Variants in TRIM36 observed in about 807,000 individuals in gnomAD.
TRIM36 encodes the protein tripartite motif containing 36.
Under a neutral mutation model 72.4 loss-of-function variants are expected in TRIM36, and 42 were observed. That is an observed-to-expected ratio of 0.58 (90% CI 0.45 to 0.75). The LOEUF is 0.75. Among genes scored for constraint, TRIM36 ranks in the 30% least tolerant of loss-of-function variants. The pLI is 0.00. For synonymous variants in TRIM36, 315 were observed against 282.8 expected, an observed-to-expected ratio of 1.11 and a Z score of -1.14; for missense variants, 913 against 857.1, an observed-to-expected ratio of 1.07 and a Z score of -0.81.
At chr5:115,133,839 T>TA in intron 8 of TRIM36, 21 bp downstream of exon 8, 2 of 1,546,970 alleles carry the variant, frequency 1.3e-6, no homozygotes, top group Non-Finnish European at 1.7e-6. Flanking sequence ...ATGCTTTTTT[T>TA]ATTCCTGATA....
intron 2 of TRIM36, among the ~76,000 whole-genome samples, chr5:115,159,997 T>C (rs1189463704): frequency 6.6e-6 from 1 of 151,740 alleles, no homozygotes; most frequent in Non-Finnish European, 1.5e-5. Context: ...TTTGACTTTT[T>C]ACTGACCTAA....
chr5:115,156,416 A>G (rs540904241), intron 2 of TRIM36, among the ~76,000 whole-genome samples: 2 of 152,344 alleles, frequency 1.3e-5, no homozygotes, highest in African/African-American at 4.8e-5. Flanking sequence ...ATTTCAAACT[A>G]TACTGTAAGG....
intron 2 of TRIM36, among the ~76,000 whole-genome samples, chr5:115,156,543 C>G (rs1040722127): frequency 1.3e-5 from 2 of 152,084 alleles, no homozygotes; most frequent in African/African-American, 4.8e-5. Flanking sequence ...TTCAGCAAAG[C>G]AAACAAAAAC....
At chr5:115,168,899 T>A (rs1435886384) in intron 1 of TRIM36, 1 of 152,240 alleles carries the variant, frequency 6.6e-6, no homozygotes, top group Non-Finnish European at 1.5e-5. Context: ...TCATTTCCAT[T>A]TTCTTGTACA....
intron 5 of TRIM36, among the ~76,000 whole-genome samples, chr5:115,139,868 T>A (rs747560477): frequency 1.2e-4 from 18 of 152,210 alleles, no homozygotes; most frequent in Non-Finnish European, 1.0e-4. Context: ...CCTCAATTTT[T>A]AACCTATTGA....
rs556713699 is a variant in TRIM36, at chr5:115,152,180, G to C, written c.263-4786C>G. Among the ~76,000 whole-genome samples, 3 of 152,234 alleles carry C rather than the reference G, an allele frequency of 2.0e-5. No homozygotes were observed. In the South Asian group the frequency reaches 6.2e-4, roughly 32 times the overall value. ...ATAGATAGCATAAATAAAAAACAATGAAAACTTCAGGAAATACTGGACACA... is the reference window on the plus strand; with the variant it reads ...ATAGATAGCATAAATAAAAAACAATCAAAACTTCAGGAAATACTGGACACA... On this transcript the variant is annotated intron_variant, in intron 2 of 9. Coordinates refer to ENST00000513154, the MANE Select transcript of TRIM36 (RefSeq NM_001300759.2).
chr5:115,142,145 C>CA (rs1310972089), intron 4 of TRIM36, among the ~76,000 whole-genome samples: 2 of 152,132 alleles, frequency 1.3e-5, no homozygotes, highest in African/African-American at 4.8e-5. Context: ...AAACACCTTT[C>CA]AAGCTGTAGC....
At chr5:115,153,120 A>C (rs1310375196) in intron 2 of TRIM36, among the ~76,000 whole-genome samples, 1 of 152,134 alleles carries the variant, frequency 6.6e-6, no homozygotes, top group African/African-American at 2.4e-5. Flanking sequence ...TCACCAACCA[A>C]CTATCTGCTG....
chr5:115,146,940 C>T (rs1753626694), intron 3 of TRIM36, 129 bp downstream of exon 3: 3 of 1,018,652 alleles, frequency 2.9e-6, no homozygotes, highest in South Asian at 1.8e-5. Flanking sequence ...AGTTCTTATA[C>T]CTGCTTTTAA....
intron 2 of TRIM36, among the ~76,000 whole-genome samples, chr5:115,162,573 C>A (rs1476201723): frequency 2.0e-5 from 3 of 152,142 alleles, no homozygotes; most frequent in African/African-American, 7.2e-5. Flanking sequence ...TATATAAGTG[C>A]AATCTAATTA....
rs553497366 is a variant in TRIM36 at position 115,129,199 on chromosome 5, C to T, written c.1796+1393G>A. ...GTAAGAACACTCTATGATGTTCTCGCAACAATGAAATTGCCTTGCAATATA... is the reference window on the plus strand; with the variant it reads ...GTAAGAACACTCTATGATGTTCTCGTAACAATGAAATTGCCTTGCAATATA... On this transcript the variant is annotated intron_variant, in intron 9 of 9. Coordinates refer to ENST00000513154, the MANE Select transcript of TRIM36 (RefSeq NM_001300759.2). Among the ~76,000 whole-genome samples the T allele has an allele frequency of 1.5e-3, 226 of 152,268 alleles. 1 individual carries two copies. Among genetic ancestry groups the T allele is most frequent in the African/African-American group, 5.2e-3 (218 of 41,540 alleles).
exon 1 of TRIM36, chr5:115,180,075 G>T (rs1302622693): frequency 6.3e-7 from 1 of 1,591,662 alleles, no homozygotes; most frequent in Non-Finnish European, 8.6e-7. Context: ...GACCGACGCG[G>T]GTGTATCGAA....
intron 1 of TRIM36, among the ~76,000 whole-genome samples, chr5:115,175,691 A>G (rs1379033029): frequency 6.6e-6 from 1 of 151,956 alleles, no homozygotes; most frequent in Non-Finnish European, 1.5e-5. Flanking sequence ...GTAAAAAAAA[A>G]TAAGAGGAAA....
Position 115,137,610 on chromosome 5 carries a change from C to T in TRIM36, c.838G>A (p.Gly280Arg). ...NLLMKETECN[G>R]ERAKEEAITH... The stretch of plus-strand genomic sequence containing the variant: ...ATTGCTTCTTCTTTAGCCCTCTCTC[C>T]ATTACACTAAGAAAAAACAGTATCT... The change falls in exon 6 of 10, where the codon GGA becomes AGA. Residue 280 changes from glycine to arginine, a missense_variant. Coordinates refer to ENST00000513154, the MANE Select transcript of TRIM36 (RefSeq NM_001300759.2). The T allele has an allele frequency of 6.3e-7, 1 of 1,593,228 alleles. No individual in the cohort carries two copies. The highest frequency in any genetic ancestry group is 8.5e-7 in the Non-Finnish European group (1 of 1,172,402).
upstream of TRIM36, among the ~76,000 whole-genome samples, chr5:115,171,842 A>C (rs1187106527): frequency 6.6e-6 from 1 of 152,228 alleles, no homozygotes; most frequent in Non-Finnish European, 1.5e-5. Flanking sequence ...AAAAATACTT[A>C]TGCAGTGGGC....
At chr5:115,177,390 TG>T in intron 1 of TRIM36, 1 of 341,732 alleles carries the variant, frequency 2.9e-6, no homozygotes, top group Non-Finnish European at 4.4e-6. Context: ...TGAGGGATGG[TG>T]GGGCGGAGGG....
chr5:115,128,755 T>A, intron 9 of TRIM36, among the ~76,000 whole-genome samples: 1 of 11,672 alleles, frequency 8.6e-5, no homozygotes, highest in South Asian at 6.5e-3. Context: ...CGAGACTCCG[T>A]CTCAAAAAAA....
chr5:115,169,150 G>T (rs113343998), intron 1 of TRIM36: 4,178 of 159,420 alleles, frequency 0.026, 191 homozygotes, highest in African/African-American at 0.094. Flanking sequence ...CCGCGGGCAG[G>T]CGAAGCCGGG....
intron 2 of TRIM36, chr5:115,149,144 T>C (rs1030764139): frequency 2.0e-5 from 3 of 152,158 alleles, no homozygotes; most frequent in Non-Finnish European, 2.9e-5. Flanking sequence ...CCCATAAAAA[T>C]TTGAAAATCC....
Sources: gnomAD v4.1 joint callset for allele counts (sites outside exome capture counted in the v4.1 genomes callset) on GRCh38, gnomAD v4.1.1 for gene constraint, MANE v1.5 for transcripts, NCBI Gene and HGNC (gene_info 2026-07-23, HGNC 2026-07-21) for gene names.